The following ANGEL2 variants were observed in gnomAD, a reference collection of about 807,000 sequenced individuals.
ANGEL2 encodes the protein angel homolog 2.
ANGEL2 carries 41 observed loss-of-function variants against 66.0 expected under a neutral mutation model. That is an observed-to-expected ratio of 0.62 (90% CI 0.48 to 0.81). The LOEUF is 0.81. Ranked by LOEUF, ANGEL2 falls within the 30% of genes least tolerant of loss-of-function variation. ANGEL2 has a pLI of 0.00. For missense variants in ANGEL2, 561 were observed against 641.6 expected (o/e 0.87, Z 1.36); for synonymous variants, 208 against 226.5 (o/e 0.92, Z 0.73).
chr1:213,001,091 G>C, intron 5 of ANGEL2, 179 bp from the exon 6 acceptor site: 1 of 573,472 alleles, frequency 1.7e-6, no homozygotes. Flanking sequence ...AATTCAGAAA[G>C]CACTTATCAT....
At chr1:213,011,477 T>C (rs2076506540) in intron 2 of ANGEL2, 14 of 1,097,892 alleles carry the variant, frequency 1.3e-5, no homozygotes, top group African/African-American at 3.3e-5. Flanking sequence ...AATGGACATA[T>C]AGAAAGTCAG....
At chr1:213,011,343 C>A in intron 2 of ANGEL2, 1 of 1,229,168 alleles carries the variant, frequency 8.1e-7, no homozygotes, top group South Asian at 1.4e-5. Context: ...CCTTCAAATA[C>A]CACTTTAAAG....
chr1:212,999,783 TCTC>T (rs1396215749), intron 7 of ANGEL2, among the ~76,000 whole-genome samples: 2 of 152,202 alleles, frequency 1.3e-5, no homozygotes, highest in Admixed American at 6.5e-5. Flanking sequence ...CTGACAATCT[TCTC>T]CTACAGTTCA....
chr1:213,011,404 A>G, intron 2 of ANGEL2: 3 of 1,133,960 alleles, frequency 2.6e-6, no homozygotes, highest in Non-Finnish European at 3.3e-6. Context: ...TATTAGTGAA[A>G]TATCGGAAGT....
At position 213,000,586 on chromosome 1, in the gene ANGEL2, G is replaced by A. The variant is rs560366582; in HGVS notation, c.1261+200C>T. The stretch of plus-strand genomic sequence containing the variant: ...CAAACAATTCCAAAGCAACATGCAA[G>A]TAAATCATGCACAGATAATTCTGGA... On this transcript the variant is annotated intron_variant, in intron 6 of 8. Coordinates refer to ENST00000366962, the MANE Select transcript of ANGEL2 (RefSeq NM_144567.5). 29 of 757,126 alleles carry A rather than the reference G, an allele frequency of 3.8e-5. No homozygotes were observed. In the African/African-American group the frequency reaches 5.2e-4, roughly 13 times the overall value. The allele number at this position is 757,126 out of a possible 1,614,324, so 46.9% of individuals were successfully genotyped here.
At chr1:213,007,011 T>G in intron 4 of ANGEL2, 118 bp downstream of exon 4, 1 of 913,744 alleles carries the variant, frequency 1.1e-6, no homozygotes, top group Non-Finnish European at 1.7e-6. Context: ...AGAGGATTAC[T>G]TGAGCCCAGT....
chr1:212,995,011 G>A lies in ANGEL2; in HGVS notation c.*30C>T. 1 of 1,564,490 alleles carries A rather than the reference G, an allele frequency of 6.4e-7. No individual in the cohort carries two copies. The highest frequency in any genetic ancestry group is 8.7e-7 in the Non-Finnish European group (1 of 1,155,512). On this transcript the variant is annotated 3_prime_UTR_variant, in exon 9 of 9. Coordinates refer to ENST00000366962, the MANE Select transcript of ANGEL2 (RefSeq NM_144567.5). Reference sequence around the variant, plus strand: ...ATTCTTTGAAAAACAATACAAATTGGAAAGAAAATTAGTATGTGATCAAAG... The same window carrying A: ...ATTCTTTGAAAAACAATACAAATTGAAAAGAAAATTAGTATGTGATCAAAG...
chr1:212,997,176 C>T lies in ANGEL2; in HGVS notation c.1462G>A (p.Glu488Lys). 6.2e-7 allele frequency: 1 copy of T among 1,612,968 alleles called. No individual in the cohort carries two copies. Among genetic ancestry groups the T allele is most frequent in the Non-Finnish European group, 8.5e-7 (1 of 1,179,146 alleles). The change falls in exon 8 of 9, where the codon GAA becomes AAA. Residue 488 changes from glutamate (E) to lysine (K), a missense_variant. Transcript: ENST00000366962. ...VDYIFYSAEK[E>K]DVAGHPGAEV... Reference sequence around the variant, plus strand: ...TTACCTGGGTGCCCAGCAACATCTTCCTTTTCTGCAGAGTAGAAAATATAA... The same window carrying T: ...TTACCTGGGTGCCCAGCAACATCTTTCTTTTCTGCAGAGTAGAAAATATAA...
In ANGEL2 at chr1:213,005,089, G is replaced by A. The variant is rs1185488043; in HGVS notation, c.1078C>T (p.Leu360=). Residue 360 remains leucine, a synonymous_variant, in exon 5 of 9, where the codon CTA becomes TTA. Coordinates refer to ENST00000366962, the MANE Select transcript of ANGEL2 (RefSeq NM_144567.5). Reference sequence around the variant, plus strand: ...TTTCCTTCCTTTATGAAACTATATAGTGGAGAACCAGGAACAGAATTAAAG... The same window carrying A: ...TTTCCTTCCTTTATGAAACTATATAATGGAGAACCAGGAACAGAATTAAAG... ...GDFNSVPGSP[L]YSFIKEGKLN... 2 of 1,610,478 alleles carry A rather than the reference G, an allele frequency of 1.2e-6. No homozygotes were observed. Among genetic ancestry groups the A allele is most frequent in the Non-Finnish European group, 1.7e-6 (2 of 1,178,874 alleles).
rs1188467294 is a variant in ANGEL2 at position 212,994,555 on chromosome 1, T to C, written c.*486A>G. 6.6e-6 allele frequency: 1 copy of C among 152,366 alleles called. No homozygotes were observed. Among genetic ancestry groups the C allele is most frequent in the Non-Finnish European group, 1.5e-5 (1 of 68,180 alleles). The allele number at this position is 152,366 out of a possible 1,614,324, so 9.4% of individuals were successfully genotyped here. ...CAAAAACAAACTAAACAATGGCTGG[T>C]TGGATACCTGTGAATGACCCAAGGC... On this transcript the variant is annotated 3_prime_UTR_variant, in exon 9 of 9. Coordinates refer to ENST00000366962, the MANE Select transcript of ANGEL2 (RefSeq NM_144567.5).
In ANGEL2 at chr1:212,996,638, AAAATATATATATATAT is replaced by A. The variant is rs2076023445; in HGVS notation, c.1483+501_1483+516del. Among the ~76,000 whole-genome samples, 6 of 53,160 alleles carry A rather than the reference AAAATATATATATATAT, an allele frequency of 1.1e-4. 1 individual carries two copies. The highest frequency in any genetic ancestry group is 1.9e-4 in the African/African-American group (4 of 21,102). The allele number at this position is 53,160 out of a possible 152,430, so 34.9% of individuals were successfully genotyped here. ...ACTCTGTATCCAAAAAAAAAAAAAA[AAAATATATATATATAT>A]ATATATATATATATATACTTTTCCT... On this transcript the variant is annotated intron_variant, in intron 8 of 8. Transcript: ENST00000366962.
chr1:213,004,326 C>T (rs551653354), intron 5 of ANGEL2, among the ~76,000 whole-genome samples: 5 of 152,088 alleles, frequency 3.3e-5, no homozygotes, highest in South Asian at 2.1e-4. Context: ...AAAATAATCA[C>T]GAGATAAATT....
chr1:213,007,454 A>G (rs527748298), intron 3 of ANGEL2, among the ~76,000 whole-genome samples: 14 of 152,218 alleles, frequency 9.2e-5, no homozygotes, highest in Non-Finnish European at 1.6e-4. Flanking sequence ...AAAAGGAAAT[A>G]TTCTTAGCTT....
chr1:213,008,115 C>T, intron 3 of ANGEL2, 95 bp downstream of exon 3: 1 of 1,388,262 alleles, frequency 7.2e-7, no homozygotes, highest in Non-Finnish European at 9.7e-7. Context: ...CCACCTGCCT[C>T]AGCCTCCCAA....
At chr1:212,995,496 T>G (rs1027625480) in intron 8 of ANGEL2, among the ~76,000 whole-genome samples, 1 of 152,200 alleles carries the variant, frequency 6.6e-6, no homozygotes, top group African/African-American at 2.4e-5. Context: ...CATAAGAAAC[T>G]CATCCAGCAA....
Position 213,015,647 on chromosome 1 carries a change from T to G in ANGEL2, c.25A>C (p.Lys9Gln). The part of the protein sequence containing the change: MEAWRCVR[K>Q]GYGHCVVGRG... ...CCCACCACACAGTGGCCGTAGCCCT[T>G]CCTCACACAGCGCCAGGCTTCCATC... Residue 9 changes from lysine to glutamine, a missense_variant, in exon 1 of 9, where the codon AAG becomes CAG. Transcript: ENST00000366962. The G allele has an allele frequency of 6.2e-7, 1 of 1,614,074 alleles. No individual in the cohort carries two copies. The highest frequency in any genetic ancestry group is 8.5e-7 in the Non-Finnish European group (1 of 1,180,018).
chr1:213,004,020 A>G (rs2076250970), intron 5 of ANGEL2, among the ~76,000 whole-genome samples: 1 of 152,088 alleles, frequency 6.6e-6, no homozygotes, highest in Non-Finnish European at 1.5e-5. Flanking sequence ...CCTGGCTAAC[A>G]CTGTGAAACC....
intron 2 of ANGEL2, among the ~76,000 whole-genome samples, chr1:213,012,708 T>C (rs936188679): frequency 1.3e-5 from 2 of 152,206 alleles, no homozygotes; most frequent in Non-Finnish European, 2.9e-5. Flanking sequence ...ATGAAAACAC[T>C]AAATTTTTTT....
chr1:212,996,640 A>AAT lies in ANGEL2; in HGVS notation c.1483+513_1483+514dup, dbSNP rs34712162. 3.3e-3 allele frequency among the ~76,000 whole-genome samples: 218 copies of AAT among 66,440 alleles called. 5 individuals are homozygous for AAT. Among genetic ancestry groups the AAT allele is most frequent in the African/African-American group, 6.4e-3 (92 of 14,474 alleles). 43.6% of individuals were successfully genotyped at this position (66,440 alleles called of 152,430 possible). A position where few individuals can be genotyped will look rare whatever the true frequency, so the allele number is the denominator to read the frequency against. ...TCTGTATCCAAAAAAAAAAAAAAAAAATATATATATATATATATATATATA... is the reference window on the plus strand; with the variant it reads ...TCTGTATCCAAAAAAAAAAAAAAAAAATATATATATATATATATATATATATA... On this transcript the variant is annotated intron_variant, in intron 8 of 8. Transcript: ENST00000366962.
Sources: allele counts gnomAD v4.1 joint callset (sites outside exome capture counted in the v4.1 genomes callset), GRCh38; gene constraint gnomAD v4.1.1; transcripts MANE v1.5; gene names NCBI Gene and HGNC (gene_info 2026-07-23, HGNC 2026-07-21).